CRACDL: variants seen among roughly 807,000 people sequenced by gnomAD.
The protein encoded by CRACDL is CRACD-like protein.
CRACDL carries 26 observed loss-of-function variants against 70.6 expected under a neutral mutation model. The observed-to-expected ratio is 0.37, with a 90% CI of 0.27 to 0.51. CRACDL has a LOEUF of 0.51. Ranked by LOEUF, CRACDL falls within the 20% of genes least tolerant of loss-of-function variation. CRACDL has a pLI of 0.94. For synonymous variants in CRACDL, 618 were observed against 615.2 expected, an observed-to-expected ratio of 1.00 and a Z score of -0.07; for missense variants, 1,283 against 1,376.9, an observed-to-expected ratio of 0.93 and a Z score of 1.08.
chr2:98,861,192 C>G (rs1049939304), intron 1 of CRACDL, among the ~76,000 whole-genome samples: 21 of 152,066 alleles, frequency 1.4e-4, no homozygotes, highest in African/African-American at 5.1e-4. Context: ...ACTAAAAATA[C>G]AAAAATTAGC....
intron 7 of CRACDL, among the ~76,000 whole-genome samples, chr2:98,800,510 G>C (rs1475325795): frequency 6.6e-6 from 1 of 152,134 alleles, no homozygotes; most frequent in African/African-American, 2.4e-5. Flanking sequence ...GGGAAGCTAG[G>C]AGGGAGGCTG....
rs150497655 is a variant in CRACDL at position 98,881,232 on chromosome 2, G to A, written c.-10-34422C>T. Among the ~76,000 whole-genome samples, 5 of 152,310 alleles carry A rather than the reference G, an allele frequency of 3.3e-5. No homozygotes were observed. The East Asian group carries it at 7.7e-4, about 24-fold the overall frequency. The stretch of plus-strand genomic sequence containing the variant: ...GCCAGGGCATGTTCAGAAGCCTCAC[G>A]GAGGGAACGCTGGTACCCCTGCCCC... On this transcript the variant is annotated intron_variant, in intron 1 of 9. Coordinates refer to ENST00000397899, the MANE Select transcript of CRACDL (RefSeq NM_207362.3).
intron 1 of CRACDL, among the ~76,000 whole-genome samples, 197 bp downstream of exon 1, chr2:98,935,741 C>G (rs890892309): frequency 2.6e-5 from 4 of 152,186 alleles, no homozygotes; most frequent in African/African-American, 9.6e-5. Context: ...TCCGGCTCCC[C>G]CTCGGCCGCA....
chr2:98,846,833 G>T lies in CRACDL; in HGVS notation c.-10-23C>A. The T allele has an allele frequency of 1.3e-6, 2 of 1,589,416 alleles. No individual in the cohort carries two copies. The highest frequency in any genetic ancestry group is 1.7e-6 in the Non-Finnish European group (2 of 1,157,334). On this transcript the variant is annotated intron_variant, in intron 1 of 9. Coordinates refer to ENST00000397899, the MANE Select transcript of CRACDL (RefSeq NM_207362.3). ...TCGCTGAAATTATATGGAAATTCAC[G>T]TTAAAGAAACATGGTTAGCAGAAGT...
intron 7 of CRACDL, among the ~76,000 whole-genome samples, chr2:98,816,930 G>A (rs986989527): frequency 2.6e-5 from 4 of 152,190 alleles, no homozygotes; most frequent in Non-Finnish European, 5.9e-5. Flanking sequence ...ATTCACAACA[G>A]CCAAGATGCG....
At chr2:98,838,674 AT>A (rs1330444495) in intron 2 of CRACDL, among the ~76,000 whole-genome samples, 4 of 152,198 alleles carry the variant, frequency 2.6e-5, no homozygotes, top group African/African-American at 7.2e-5. Context: ...CTCAAAAAAA[AT>A]AAAATAAAAT....
intron 1 of CRACDL, among the ~76,000 whole-genome samples, chr2:98,906,338 T>C (rs1708414808): frequency 6.6e-6 from 1 of 151,560 alleles, no homozygotes; most frequent in South Asian, 2.1e-4. Context: ...CTTGGCTCAC[T>C]GCAACCTCCA....
intron 7 of CRACDL, 30 bp downstream of exon 7, chr2:98,821,827 G>T: frequency 6.2e-7 from 1 of 1,604,064 alleles, no homozygotes. Flanking sequence ...CCCAGGCCCT[G>T]CCCTTCCCGC....
intron 1 of CRACDL, among the ~76,000 whole-genome samples, chr2:98,925,031 C>T (rs12712043): frequency 0.52 from 79,021 of 152,082 alleles, 22,083 homozygotes; most frequent in African/African-American, 0.71. Context: ...CACCAGGGTG[C>T]GGTCCAGGAC....
intron 1 of CRACDL, among the ~76,000 whole-genome samples, chr2:98,911,217 T>C (rs13005124): frequency 0.48 from 73,106 of 152,046 alleles, 19,520 homozygotes; most frequent in African/African-American, 0.71. Flanking sequence ...TGGCCCTGCC[T>C]CCCTCATAGT....
intron 1 of CRACDL, chr2:98,897,447 A>T (rs1345147202): frequency 7.9e-7 from 1 of 1,266,236 alleles, no homozygotes; most frequent in South Asian, 1.3e-5. Context: ...TACCAGATTC[A>T]TTACATGGAG....
At chr2:98,914,706 C>T (rs2104682305) in intron 1 of CRACDL, among the ~76,000 whole-genome samples, 1 of 152,336 alleles carries the variant, frequency 6.6e-6, no homozygotes, top group African/African-American at 2.4e-5. Flanking sequence ...TGGGGCTCTC[C>T]TGCCAACAGA....
chr2:98,891,000 C>T (rs942984006), intron 1 of CRACDL, among the ~76,000 whole-genome samples: 4 of 151,446 alleles, frequency 2.6e-5, no homozygotes, highest in Middle Eastern at 3.4e-3. Flanking sequence ...GAGGTTGCAG[C>T]GAGCCAAGAT....
chr2:98,897,901 T>C (rs1038646408), intron 1 of CRACDL, among the ~76,000 whole-genome samples: 2 of 152,182 alleles, frequency 1.3e-5, no homozygotes, highest in African/African-American at 4.8e-5. Flanking sequence ...GAGCCCACTG[T>C]GAGGTTCAGC....
chr2:98,879,452 C>A (rs577313389), intron 1 of CRACDL, among the ~76,000 whole-genome samples: 2 of 152,270 alleles, frequency 1.3e-5, no homozygotes, highest in African/African-American at 4.8e-5. Flanking sequence ...CTGAGACATG[C>A]ATTTAGAGAG....
intron 1 of CRACDL, among the ~76,000 whole-genome samples, chr2:98,923,068 G>A (rs1221453458): frequency 2.0e-5 from 3 of 152,060 alleles, no homozygotes; most frequent in South Asian, 2.1e-4. Context: ...TCAGCAGTTC[G>A]AGACCAGCCT....
At chr2:98,855,384 G>A (rs1706659049) in intron 1 of CRACDL, among the ~76,000 whole-genome samples, 1 of 151,924 alleles carries the variant, frequency 6.6e-6, no homozygotes, top group South Asian at 2.1e-4. Context: ...AGATATATAT[G>A]TTCTTTATAT....
chr2:98,837,447 C>T (rs528607428), intron 3 of CRACDL, among the ~76,000 whole-genome samples: 1 of 150,546 alleles, frequency 6.6e-6, no homozygotes, highest in Non-Finnish European at 1.5e-5. Context: ...AAAGGGCCAG[C>T]GTTGTCTTAA....
At chr2:98,886,165 A>T (rs1452560344) in intron 1 of CRACDL, among the ~76,000 whole-genome samples, 1 of 152,220 alleles carries the variant, frequency 6.6e-6, no homozygotes, top group African/African-American at 2.4e-5. Context: ...TGGGTTGAAG[A>T]TTCTTCAAAG....
Sources: gnomAD v4.1 joint callset for allele counts (sites outside exome capture counted in the v4.1 genomes callset) on GRCh38, gnomAD v4.1.1 for gene constraint, MANE v1.5 for transcripts, NCBI Gene and HGNC (gene_info 2026-07-23, HGNC 2026-07-21) for gene names.